SLCO1B3: variants seen among roughly 807,000 people sequenced by gnomAD.
SLCO1B3 encodes liver-specific organic anion transporter 2.
In SLCO1B3, 72 loss-of-function variants were observed where a neutral mutation model predicts 71.8. That is an observed-to-expected ratio of 1.00 (90% CI 0.83 to 1.22). The LOEUF (loss-of-function observed/expected upper bound fraction) is 1.22, where lower values mean the gene tolerates loss of function less well. Among genes scored for constraint, SLCO1B3 ranks in the 50% most tolerant of loss-of-function variants. SLCO1B3 has a pLI of 0.00. For missense variants in SLCO1B3, 911 were observed against 819.7 expected, an observed-to-expected ratio of 1.11 and a Z score of -1.36; for synonymous variants, 298 against 278.4, an observed-to-expected ratio of 1.07 and a Z score of -0.70.
chr12:20,907,752 G>A (rs1227148672), intron 15 of SLCO1B3, among the ~76,000 whole-genome samples: 1 of 151,648 alleles, frequency 6.6e-6, no homozygotes, highest in Admixed American at 6.6e-5. Flanking sequence ...CAGGTGGCCC[G>A]CCCACCTCAG....
Position 20,833,702 on chromosome 12 carries a change from AATTAC to A in SLCO1B3, c.84+17883_84+17887del, listed in dbSNP as rs1864599054. On this transcript the variant is annotated intron_variant, in intron 3 of 15. Coordinates refer to ENST00000381545, the MANE Select transcript of SLCO1B3 (RefSeq NM_019844.4). ...CTTTATGGTATAGAGAGAGATGATA[AATTAC>A]ATGTATATTACATATATTTACATAT... Among the ~76,000 whole-genome samples the A allele has an allele frequency of 2.1e-5, 3 of 146,138 alleles. No individual in the cohort carries two copies. In the East Asian group the frequency reaches 6.1e-4, roughly 30 times the overall value.
intron 3 of SLCO1B3, among the ~76,000 whole-genome samples, chr12:20,840,089 A>G (rs1463919517): frequency 6.6e-6 from 1 of 152,130 alleles, no homozygotes; most frequent in African/African-American, 2.4e-5. Context: ...AGCCCTTAGC[A>G]TGTTGCTCAT....
Position 20,880,929 on chromosome 12 carries a change from A to C in SLCO1B3, c.1406A>C (p.Gln469Pro). The C allele has an allele frequency of 6.2e-7, 1 of 1,611,782 alleles. No homozygotes were observed. The highest frequency in any genetic ancestry group is 1.7e-4 in the Middle Eastern group (1 of 6,058). Residue 469 changes from glutamine to proline, a missense_variant, in exon 12 of 16, where the codon CAG (glutamine) becomes CCG (proline). Gln to Pro is a moderately conservative substitution (Grantham distance 76). Coordinates refer to ENST00000381545, the MANE Select transcript of SLCO1B3 (RefSeq NM_019844.4). Reference sequence around the variant, plus strand: ...TCAGAGTGCAATTGTGATGAAAGTCAGTGGGAACCAGTCTGTGGGAACAAT... The same window carrying C: ...TCAGAGTGCAATTGTGATGAAAGTCCGTGGGAACCAGTCTGTGGGAACAAT... ...CNSECNCDESQWEPVCGNNGI... is the reference protein window; with the variant it reads ...CNSECNCDESPWEPVCGNNGI...
chr12:20,847,872 A>G (rs570960027), intron 3 of SLCO1B3, among the ~76,000 whole-genome samples: 2 of 152,074 alleles, frequency 1.3e-5, no homozygotes, highest in Non-Finnish European at 2.9e-5. Context: ...GATGAAAGAC[A>G]TAAATCTCAA....
intron 9 of SLCO1B3, among the ~76,000 whole-genome samples, chr12:20,877,515 T>C (rs1865605214): frequency 1.3e-5 from 2 of 152,062 alleles, no homozygotes; most frequent in African/African-American, 4.8e-5. Context: ...TTGATCCATT[T>C]TTTAATGGAT....
chr12:20,874,191 T>G (rs1305959309), intron 8 of SLCO1B3, among the ~76,000 whole-genome samples: 1 of 152,148 alleles, frequency 6.6e-6, no homozygotes, highest in Non-Finnish European at 1.5e-5. Context: ...CATTTTTTGT[T>G]TTTTTCTTTT....
chr12:20,871,765 G>A (rs1297404164), intron 8 of SLCO1B3, among the ~76,000 whole-genome samples: 2 of 152,220 alleles, frequency 1.3e-5, no homozygotes, highest in East Asian at 3.9e-4. Context: ...GAAACTGGGG[G>A]TTCACTGATG....
At chr12:20,854,497 GA>G (rs1555155355) in intron 3 of SLCO1B3, among the ~76,000 whole-genome samples, 1 of 152,052 alleles carries the variant, frequency 6.6e-6, no homozygotes, top group Non-Finnish European at 1.5e-5. Flanking sequence ...TAGTTTTTCT[GA>G]TATGATTATG....
intron 3 of SLCO1B3, among the ~76,000 whole-genome samples, chr12:20,819,138 G>A (rs1864245087): frequency 1.3e-5 from 2 of 152,170 alleles, no homozygotes; most frequent in African/African-American, 2.4e-5. Context: ...GTAAGGTCAA[G>A]TTGTTTGGAC....
At chr12:20,893,851 A>G (rs1222520882) in intron 13 of SLCO1B3, among the ~76,000 whole-genome samples, 2 of 152,210 alleles carry the variant, frequency 1.3e-5, no homozygotes, top group African/African-American at 4.8e-5. Flanking sequence ...GTGAGGCATG[A>G]TGTAAGTTTA....
At chr12:20,821,770 G>GGTCT in intron 3 of SLCO1B3, among the ~76,000 whole-genome samples, 1 of 152,260 alleles carries the variant, frequency 6.6e-6, no homozygotes. Context: ...ATCCCTGCGT[G>GGTCT]GTCTGACACC....
chr12:20,828,342 C>T (rs1864470512), intron 3 of SLCO1B3, among the ~76,000 whole-genome samples: 1 of 149,672 alleles, frequency 6.7e-6, no homozygotes, highest in South Asian at 2.1e-4. Flanking sequence ...CAAAAACAGG[C>T]ATTAAGAACT....
intron 8 of SLCO1B3, among the ~76,000 whole-genome samples, chr12:20,864,821 A>G (rs978748231): frequency 6.6e-6 from 1 of 152,158 alleles, no homozygotes; most frequent in African/African-American, 2.4e-5. Flanking sequence ...GTAAATTTTA[A>G]TTCCTACAGG....
In SLCO1B3 at chr12:20,850,256, T is replaced by TTTTTTTTATTTA. The variant is rs1555154813; in HGVS notation, c.85-4769_85-4768insTTTTATTTATTT. ...GTACAGATTATTTTTATTATTATTATTTTATTTATTTATTTATTTATTTAT... is the reference window on the plus strand; with the variant it reads ...GTACAGATTATTTTTATTATTATTATTTTTTTTATTTATTTATTTATTTATTTATTTATTTAT... On this transcript the variant is annotated intron_variant, in intron 3 of 15. Coordinates refer to ENST00000381545, the MANE Select transcript of SLCO1B3 (RefSeq NM_019844.4). Among the ~76,000 whole-genome samples, 567 of 143,056 alleles carry TTTTTTTTATTTA rather than the reference T, an allele frequency of 4.0e-3. 6 individuals carry two copies. The highest frequency in any genetic ancestry group is 6.3e-3 in the Non-Finnish European group (420 of 66,460). The allele number at this position is 143,056 out of a possible 152,430, so 93.9% of individuals were successfully genotyped here. A position where few individuals can be genotyped will look rare whatever the true frequency, so the allele number is the denominator to read the frequency against.
chr12:20,828,030 T>G lies in SLCO1B3; in HGVS notation c.84+12208T>G, dbSNP rs1464271881. On this transcript the variant is annotated intron_variant, in intron 3 of 15. Transcript: ENST00000381545. The stretch of plus-strand genomic sequence containing the variant: ...ATGGATACCAAGTCAAACATGAAAT[T>G]GTAGAAATCTACCTTATGATTGTAT... Among the ~76,000 whole-genome samples the G allele has an allele frequency of 2.0e-5, 3 of 152,178 alleles. No homozygotes were observed. The East Asian group carries it at 5.8e-4, about 29-fold the overall frequency.
rs544970125 is a variant in SLCO1B3, at chr12:20,912,757, C to T, written c.1866-3247C>T. On this transcript the variant is annotated intron_variant, in intron 15 of 15. Coordinates refer to ENST00000381545, the MANE Select transcript of SLCO1B3 (RefSeq NM_019844.4). ...CAGGATGGTCTCAATCTCTTGACCT[C>T]ATGATCCACCCATCTCGGCCTCCCA... Among the ~76,000 whole-genome samples the T allele has an allele frequency of 5.6e-4, 85 of 151,044 alleles. No individual in the cohort carries two copies. The South Asian group carries it at 0.015, about 26-fold the overall frequency.
chr12:20,880,350 CT>C (rs963297619), intron 11 of SLCO1B3, among the ~76,000 whole-genome samples: 26 of 150,520 alleles, frequency 1.7e-4, no homozygotes, highest in Non-Finnish European at 2.5e-4. Flanking sequence ...ACATTGAAAT[CT>C]TTTTTTTTAT....
intron 15 of SLCO1B3, among the ~76,000 whole-genome samples, chr12:20,909,332 A>ATT (rs36075263): frequency 0.75 from 104,048 of 138,628 alleles, 42,025 homozygotes; most frequent in South Asian, 0.89. Context: ...CGCCTGGCTA[A>ATT]TTTTTTTTTT....
intron 3 of SLCO1B3, among the ~76,000 whole-genome samples, chr12:20,850,515 C>G (rs987513455): frequency 3.9e-5 from 6 of 152,104 alleles, no homozygotes; most frequent in African/African-American, 1.4e-4. Context: ...ATCTCCTGAC[C>G]TCGTGATCCA....
Sources: allele counts gnomAD v4.1 joint callset (sites outside exome capture counted in the v4.1 genomes callset), GRCh38; gene constraint gnomAD v4.1.1; transcripts MANE v1.5; gene names NCBI Gene and HGNC (gene_info 2026-07-23, HGNC 2026-07-21).